IL1RAPL2: variants seen among roughly 807,000 people sequenced by gnomAD.
IL1RAPL2 encodes interleukin 1 receptor accessory protein like 2, also known as X-linked interleukin-1 receptor accessory protein-like 2.
A neutral mutation model predicts 44.1 loss-of-function variants in IL1RAPL2; 3 were observed. The observed-to-expected ratio is 0.07, with a 90% CI of 0.03 to 0.18. IL1RAPL2 has a LOEUF of 0.18. IL1RAPL2 is among the 10% of genes least tolerant of loss of function. The pLI is 1.00. For missense variants in IL1RAPL2, 391 were observed against 496.4 expected (o/e 0.79, Z 2.02); for synonymous variants, 181 against 178.8 (o/e 1.01, Z -0.10).
At chrX:105,447,441 A>T (rs1170605657) in intron 5 of IL1RAPL2, among the ~76,000 whole-genome samples, 3 of 73,720 alleles carry the variant, frequency 4.1e-5, no homozygotes, top group African/African-American at 1.1e-4. Context: ...AAATATAAGT[A>T]TATAAATATA....
At chrX:105,037,275 T>G (rs952343496) in intron 2 of IL1RAPL2, among the ~76,000 whole-genome samples, 7 of 111,030 alleles carry the variant, frequency 6.3e-5, no homozygotes, top group Non-Finnish European at 1.3e-4. Context: ...TACAGGAAAA[T>G]TGAGGAGTAG....
intron 2 of IL1RAPL2, among the ~76,000 whole-genome samples, chrX:105,066,559 T>C (rs1004405457): frequency 1.8e-5 from 2 of 111,276 alleles, no homozygotes; most frequent in African/African-American, 6.5e-5. Context: ...AGTTGTGAAA[T>C]TCAAGTACCA....
intron 8 of IL1RAPL2, among the ~76,000 whole-genome samples, chrX:105,744,046 A>C (rs2038521046): frequency 8.9e-6 from 1 of 112,250 alleles, no homozygotes; most frequent in Admixed American, 9.5e-5. Flanking sequence ...AAGGGCAACA[A>C]CTACTTTGTT....
chrX:105,553,958 G>A (rs2036878190), intron 6 of IL1RAPL2, among the ~76,000 whole-genome samples: 2 of 112,881 alleles, frequency 1.8e-5, no homozygotes, highest in Admixed American at 1.9e-4. Flanking sequence ...TCAACATTGA[G>A]CCACCCAACC....
At chrX:105,045,487 C>A (rs2031825355) in intron 2 of IL1RAPL2, among the ~76,000 whole-genome samples, 1 of 111,969 alleles carries the variant, frequency 8.9e-6, no homozygotes, top group African/African-American at 3.2e-5. Context: ...AGCAGTTAGA[C>A]AGAACAGAGC....
intron 2 of IL1RAPL2, among the ~76,000 whole-genome samples, chrX:104,759,059 T>C (rs1386058715): frequency 8.9e-6 from 1 of 112,681 alleles, no homozygotes; most frequent in East Asian, 2.8e-4. Context: ...AGAAAGAAAC[T>C]TCTACCTTTG....
chrX:105,688,526 GA>G (rs773510027), intron 6 of IL1RAPL2, among the ~76,000 whole-genome samples: 17 of 111,479 alleles, frequency 1.5e-4, no homozygotes, highest in Non-Finnish European at 2.6e-4. Context: ...GGATGTGAAG[GA>G]CCTCTTCAAG....
At chrX:105,041,466 G>A (rs1238716545) in intron 2 of IL1RAPL2, among the ~76,000 whole-genome samples, 4 of 110,552 alleles carry the variant, frequency 3.6e-5, no homozygotes, top group Admixed American at 9.7e-5. Flanking sequence ...TCTGTCTAAC[G>A]TTGACAGTGG....
intron 6 of IL1RAPL2, among the ~76,000 whole-genome samples, chrX:105,530,884 G>A (rs745598895): frequency 9.0e-6 from 1 of 111,056 alleles, no homozygotes; most frequent in Non-Finnish European, 1.9e-5. Context: ...ATGATATTCA[G>A]TTCCATCCAT....
intron 2 of IL1RAPL2, among the ~76,000 whole-genome samples, chrX:104,929,611 T>G (rs1924850839): frequency 8.9e-6 from 1 of 111,880 alleles, no homozygotes; most frequent in Non-Finnish European, 1.9e-5. Context: ...TCCAGGTAGT[T>G]TTGCTCAATC....
intron 2 of IL1RAPL2, among the ~76,000 whole-genome samples, chrX:105,018,905 C>T (rs947677587): frequency 1.8e-5 from 2 of 111,319 alleles, no homozygotes; most frequent in African/African-American, 6.5e-5. Context: ...CTTACATTCC[C>T]TATGTAACTA....
chrX:104,961,582 G>A (rs757928593), intron 2 of IL1RAPL2, among the ~76,000 whole-genome samples: 1 of 111,314 alleles, frequency 9.0e-6, no homozygotes, highest in South Asian at 3.8e-4. Flanking sequence ...TTCCCTGACC[G>A]ATTTATATAA....
At chrX:105,559,780 G>A (rs1032927335) in intron 6 of IL1RAPL2, among the ~76,000 whole-genome samples, 8 of 111,436 alleles carry the variant, frequency 7.2e-5, no homozygotes, top group Admixed American at 3.8e-4. Context: ...AAAACAACAC[G>A]ATCTTTTTAG....
chrX:105,518,510 G>A (rs1378192029), intron 6 of IL1RAPL2, among the ~76,000 whole-genome samples: 3 of 111,777 alleles, frequency 2.7e-5, no homozygotes, highest in African/African-American at 6.5e-5. Context: ...ATTGAGCTCA[G>A]TACCAGGTAT....
chrX:105,685,512 A>G (rs1206763819), intron 6 of IL1RAPL2, among the ~76,000 whole-genome samples: 1 of 111,898 alleles, frequency 8.9e-6, no homozygotes. Context: ...AAAAAGAGTA[A>G]AAAGAAATGA....
chrX:104,730,332 C>T (rs919204222), intron 2 of IL1RAPL2, among the ~76,000 whole-genome samples: 1 of 97,166 alleles, frequency 1.0e-5, no homozygotes, highest in African/African-American at 3.6e-5. Flanking sequence ...ATTAACTCGT[C>T]ATTTAGCATT....
chrX:105,307,537 A>G (rs1460043111), intron 5 of IL1RAPL2, among the ~76,000 whole-genome samples: 1 of 38,653 alleles, frequency 2.6e-5, no homozygotes, highest in Non-Finnish European at 3.7e-5. Context: ...TATTATATAT[A>G]TTATATATAA....
chrX:105,064,536 A>G (rs2032113771), intron 2 of IL1RAPL2, among the ~76,000 whole-genome samples: 1 of 112,065 alleles, frequency 8.9e-6, no homozygotes, highest in African/African-American at 3.2e-5. Flanking sequence ...CAACTCTTCC[A>G]ATGTATAACT....
chrX:104,590,477 A>C (rs190046820), intron 1 of IL1RAPL2, among the ~76,000 whole-genome samples: 89 of 112,314 alleles, frequency 7.9e-4, no homozygotes, highest in Admixed American at 2.9e-3. Context: ...TCTAGATGGA[A>C]CATTCTCAAA....
Sources: allele counts gnomAD v4.1 joint callset (sites outside exome capture counted in the v4.1 genomes callset), GRCh38; gene constraint gnomAD v4.1.1; transcripts MANE v1.5; gene names NCBI Gene and HGNC (gene_info 2026-07-23, HGNC 2026-07-21).